TMBIM6: variants seen among roughly 807,000 people sequenced by gnomAD.
TMBIM6 encodes the protein bax inhibitor 1.
Under a neutral mutation model 31.4 loss-of-function variants are expected in TMBIM6, and 13 were observed. The observed-to-expected ratio is 0.41, with a 90% confidence interval of 0.27 to 0.66. The LOEUF (loss-of-function observed/expected upper bound fraction) is 0.66, where lower values mean the gene tolerates loss of function less well. TMBIM6 is among the 30% of genes least tolerant of loss of function. TMBIM6 has a pLI of 0.28. For missense variants in TMBIM6, 275 were observed against 289.5 expected (o/e 0.95, Z 0.36); for synonymous variants, 85 against 101.7 (o/e 0.84, Z 0.99).
intron 1 of TMBIM6, among the ~76,000 whole-genome samples, chr12:49,746,039 T>C (rs1304139146): frequency 6.6e-6 from 1 of 152,054 alleles, no homozygotes; most frequent in Non-Finnish European, 1.5e-5. Context: ...ATGAGATTTT[T>C]CAAGTGCCTT....
rs1405257511 is a variant in TMBIM6, at chr12:49,748,201, C to T, written c.-30-4263C>T. On this transcript the variant is annotated intron_variant, in intron 1 of 9. Coordinates refer to ENST00000267115, the MANE Select transcript of TMBIM6 (RefSeq NM_003217.3). Reference sequence around the variant, plus strand: ...ACAGGCGTGAGCCACCGCACCCAGCCTGTTTTTTTTTTGTTTTGTTTTGTT... The same window carrying T: ...ACAGGCGTGAGCCACCGCACCCAGCTTGTTTTTTTTTTGTTTTGTTTTGTT... Among the ~76,000 whole-genome samples the T allele has an allele frequency of 2.6e-5, 4 of 151,844 alleles. No homozygotes were observed. In the South Asian group the frequency reaches 6.2e-4, roughly 24 times the overall value.
intron 8 of TMBIM6, among the ~76,000 whole-genome samples, chr12:49,759,658 T>G (rs1945674529): frequency 6.6e-6 from 1 of 151,764 alleles, no homozygotes; most frequent in South Asian, 2.1e-4. Flanking sequence ...TATAAAAAAA[T>G]TAGCTGGGCA....
At chr12:49,744,066 C>A (rs1945347184) in intron 1 of TMBIM6, among the ~76,000 whole-genome samples, 1 of 152,106 alleles carries the variant, frequency 6.6e-6, no homozygotes, top group Admixed American at 6.5e-5. Context: ...GTCCTCTTGC[C>A]ACTATTACAT....
At chr12:49,759,052 C>G (rs909187768) in intron 7 of TMBIM6, 169 bp from the exon 8 acceptor site, 1 of 647,190 alleles carries the variant, frequency 1.5e-6, no homozygotes, top group Non-Finnish European at 2.7e-6. Flanking sequence ...AGTATTGTGC[C>G]TAGGGAAGTA....
intron 3 of TMBIM6, among the ~76,000 whole-genome samples, chr12:49,755,404 C>A (rs181861229): frequency 6.6e-6 from 1 of 152,282 alleles, no homozygotes; most frequent in South Asian, 2.1e-4. Context: ...TGAAGGACTA[C>A]GCAAGCCAGA....
At chr12:49,756,257 T>C (rs1945592017) in intron 4 of TMBIM6, among the ~76,000 whole-genome samples, 1 of 152,010 alleles carries the variant, frequency 6.6e-6, no homozygotes, top group African/African-American at 2.4e-5. Flanking sequence ...TGCCTCAGCC[T>C]CCCAAATAGC....
intron 4 of TMBIM6, 64 bp downstream of exon 4, chr12:49,755,819 T>A: frequency 6.7e-7 from 1 of 1,500,652 alleles, no homozygotes; most frequent in Non-Finnish European, 9.0e-7. Context: ...CTTAATTAGT[T>A]CCCCCCCCTT....
intron 8 of TMBIM6, 49 bp downstream of exon 8, chr12:49,759,370 G>A (rs374368373): frequency 7.3e-6 from 11 of 1,509,856 alleles, no homozygotes; most frequent in Non-Finnish European, 9.2e-6. Context: ...GAGGCATACC[G>A]TTCAGCAGCT....
chr12:49,743,035 A>T (rs1262035283), intron 1 of TMBIM6, among the ~76,000 whole-genome samples: 14 of 135,568 alleles, frequency 1.0e-4, no homozygotes, highest in African/African-American at 4.0e-4. Flanking sequence ...CCCAGGCTAG[A>T]GTGCAGTGGC....
intron 1 of TMBIM6, among the ~76,000 whole-genome samples, chr12:49,748,071 T>A (rs1945429284): frequency 6.6e-6 from 1 of 152,064 alleles, no homozygotes; most frequent in East Asian, 1.9e-4. Flanking sequence ...GCCCAGCTAA[T>A]TTTTGTATTT....
chr12:49,763,183 G>T lies in TMBIM6; in HGVS notation c.*287G>T. 3.1e-6 allele frequency: 1 copy of T among 320,252 alleles called. No individual in the cohort carries two copies. The highest frequency in any genetic ancestry group is 5.9e-6 in the Non-Finnish European group (1 of 169,062). The allele number at this position is 320,252 out of a possible 1,614,324, so 19.8% of individuals were successfully genotyped here. On this transcript the variant is annotated 3_prime_UTR_variant, in exon 10 of 10. Transcript: ENST00000267115. ...GTCGACCCGCCACGATGAGAAGTGG[G>T]ACCAGCAGAGGGCGCCAACTTCAGG... is the stretch of plus-strand genomic sequence containing the variant.
At chr12:49,749,347 C>G (rs889895411) in intron 1 of TMBIM6, among the ~76,000 whole-genome samples, 6 of 152,140 alleles carry the variant, frequency 3.9e-5, no homozygotes, top group Non-Finnish European at 5.9e-5. Flanking sequence ...TACAGATGCT[C>G]CTCAAGACGG....
intron 1 of TMBIM6, chr12:49,742,458 C>A: frequency 1.2e-6 from 1 of 861,756 alleles, no homozygotes; most frequent in Non-Finnish European, 1.6e-6. Context: ...CGGTGCCAGC[C>A]CGGGCTGCTT....
chr12:49,756,587 C>T (rs570386707), intron 4 of TMBIM6, among the ~76,000 whole-genome samples: 108 of 147,764 alleles, frequency 7.3e-4, no homozygotes, highest in Admixed American at 3.5e-3. Flanking sequence ...GGGACTACAG[C>T]GGCTAATTTT....
At chr12:49,746,074 TTC>T (rs1945386910) in intron 1 of TMBIM6, among the ~76,000 whole-genome samples, 1 of 151,852 alleles carries the variant, frequency 6.6e-6, no homozygotes, top group South Asian at 2.1e-4. Flanking sequence ...TAATTTTCTT[TTC>T]TCTCTTTTTT....
intron 1 of TMBIM6, among the ~76,000 whole-genome samples, chr12:49,748,421 A>G (rs1945436463): frequency 6.6e-6 from 1 of 152,084 alleles, no homozygotes; most frequent in African/African-American, 2.4e-5. Context: ...TCTAACTCAA[A>G]CAATTGTGTT....
intron 1 of TMBIM6, among the ~76,000 whole-genome samples, chr12:49,743,094 A>ACC (rs1206196939): frequency 6.9e-6 from 1 of 145,680 alleles, no homozygotes; most frequent in Non-Finnish European, 1.5e-5. Flanking sequence ...TAGGTGATCC[A>ACC]CCCCAGCCTC....
At chr12:49,742,156 C>T in intron 1 of TMBIM6, 1 of 1,612,634 alleles carries the variant, frequency 6.2e-7, no homozygotes, top group Non-Finnish European at 8.5e-7. Context: ...TCCTCTGTGA[C>T]ACGCGAGGCT....
chr12:49,758,142 G>A, intron 4 of TMBIM6, 85 bp from the exon 5 acceptor site: 1 of 1,424,832 alleles, frequency 7.0e-7, no homozygotes, highest in Non-Finnish European at 9.9e-7. Context: ...GCATGAGTAT[G>A]CCTATATTTC....
Sources: allele counts gnomAD v4.1 joint callset (sites outside exome capture counted in the v4.1 genomes callset), GRCh38; gene constraint gnomAD v4.1.1; transcripts MANE v1.5; gene names NCBI Gene and HGNC (gene_info 2026-07-23, HGNC 2026-07-21).